Variants in ARHGEF28 observed in about 807,000 individuals in gnomAD.
The protein encoded by ARHGEF28 is Rho guanine nucleotide exchange factor 28.
In ARHGEF28, 152 loss-of-function variants were observed where a neutral mutation model predicts 206.6. The ratio of observed to expected loss-of-function variants is 0.74; its 90% CI spans 0.64 to 0.84. ARHGEF28 has a LOEUF of 0.84. Among genes scored for constraint, ARHGEF28 ranks in the 40% least tolerant of loss-of-function variants. The probability of loss-of-function intolerance (pLI) is 0.00; values close to 1 mark genes in which losing one functional copy is unlikely to be tolerated. For synonymous variants in ARHGEF28, 763 were observed against 776.4 expected, an observed-to-expected ratio of 0.98 and a Z score of 0.29; for missense variants, 2,028 against 2,073.2, an observed-to-expected ratio of 0.98 and a Z score of 0.42.
intron 30 of ARHGEF28, 52 bp from the exon 31 acceptor site, chr5:73,901,132 G>A: frequency 1.3e-6 from 2 of 1,489,904 alleles, no homozygotes; most frequent in Non-Finnish European, 1.8e-6. Context: ...CGGTGGGCTG[G>A]CCGATGTTTG....
At chr5:73,871,738 T>C (rs1187387522) in intron 21 of ARHGEF28, among the ~76,000 whole-genome samples, 1 of 152,234 alleles carries the variant, frequency 6.6e-6, no homozygotes, top group African/African-American at 2.4e-5. Context: ...TCAAAAATCC[T>C]GTACATGTTA....
At chr5:73,801,754 T>C (rs1755149969) in intron 9 of ARHGEF28, among the ~76,000 whole-genome samples, 1 of 152,134 alleles carries the variant, frequency 6.6e-6, no homozygotes, top group Non-Finnish European at 1.5e-5. Flanking sequence ...GTTGGGGGGT[T>C]ATCTCTTTAC....
At chr5:73,663,025 G>A (rs373560238) in intron 1 of ARHGEF28, among the ~76,000 whole-genome samples, 1 of 152,062 alleles carries the variant, frequency 6.6e-6, no homozygotes, top group Non-Finnish European at 1.5e-5. Context: ...GCCCAATCTC[G>A]GTTAACTGCA....
At chr5:73,773,811 T>A in intron 4 of ARHGEF28, 44 bp from the exon 5 acceptor site, 1 of 1,490,764 alleles carries the variant, frequency 6.7e-7, no homozygotes, top group Non-Finnish European at 9.0e-7. Flanking sequence ...AAACAAACTT[T>A]GTAAATGGAG....
intron 1 of ARHGEF28, among the ~76,000 whole-genome samples, chr5:73,626,709 C>T (rs1357240246): frequency 6.6e-6 from 1 of 152,182 alleles, no homozygotes; most frequent in Non-Finnish European, 1.5e-5. Context: ...TCCGCCCTTC[C>T]CATCCATGCT....
intron 4 of ARHGEF28, among the ~76,000 whole-genome samples, chr5:73,761,612 A>T (rs934239014): frequency 2.6e-5 from 4 of 152,192 alleles, no homozygotes; most frequent in African/African-American, 9.7e-5. Flanking sequence ...ATGAAGCTGT[A>T]TGGATAGAAA....
Position 73,857,740 on chromosome 5 carries a change from C to T in ARHGEF28, c.1875C>T (p.Phe625=), listed in dbSNP as rs529526136. 1 of 1,613,118 alleles carries T rather than the reference C, an allele frequency of 6.2e-7. No homozygotes were observed. The highest frequency in any genetic ancestry group is 8.5e-7 in the Non-Finnish European group (1 of 1,179,498). The part of the protein sequence containing the change: ...EKYKVSRTFS[F]LMNRMTSPRN... ...ATAAAGTGAGTCGAACTTTCAGTTT[C>T]CTCATGAATAGGATGACTAGCCCTC... is the stretch of plus-strand genomic sequence containing the variant. The change falls in exon 15 of 36, where the codon TTC becomes TTT. Residue 625 remains phenylalanine, a synonymous_variant. Coordinates refer to ENST00000513042, the MANE Select transcript of ARHGEF28 (RefSeq NM_001177693.2).
intron 21 of ARHGEF28, among the ~76,000 whole-genome samples, chr5:73,871,674 C>T (rs1452378634): frequency 6.6e-6 from 1 of 152,164 alleles, no homozygotes; most frequent in African/African-American, 2.4e-5. Flanking sequence ...TTAGTATATT[C>T]ACGAAGTTGT....
Position 73,738,279 on chromosome 5 carries a change from G to A in ARHGEF28, c.34-11558G>A, listed in dbSNP as rs1245437323. ...ACCAGGGATTTCTGGTCCAAGGTTA[G>A]CAGTGTGATGGAACCTAGATCAAGG... is the stretch of plus-strand genomic sequence containing the variant. On this transcript the variant is annotated intron_variant, in intron 2 of 35. Transcript: ENST00000513042. 2.0e-5 allele frequency among the ~76,000 whole-genome samples: 3 copies of A among 152,182 alleles called. No individual in the cohort carries two copies. In the East Asian group the frequency reaches 5.8e-4, roughly 29 times the overall value.
At chr5:73,737,665 C>T (rs1016243964) in intron 2 of ARHGEF28, among the ~76,000 whole-genome samples, 2 of 151,904 alleles carry the variant, frequency 1.3e-5, no homozygotes, top group Non-Finnish European at 2.9e-5. Context: ...GTGCACGCTG[C>T]CACCACGTCC....
chr5:73,813,928 G>A (rs908731706), intron 9 of ARHGEF28, among the ~76,000 whole-genome samples: 11 of 143,184 alleles, frequency 7.7e-5, no homozygotes, highest in Admixed American at 5.5e-4. Flanking sequence ...AAAAAAAAAA[G>A]AAGGGAGTTT....
chr5:73,775,507 G>C (rs942239485), intron 5 of ARHGEF28, among the ~76,000 whole-genome samples: 2 of 152,164 alleles, frequency 1.3e-5, no homozygotes, highest in Non-Finnish European at 2.9e-5. Flanking sequence ...AAGACTTAGA[G>C]TAAAACTGTT....
At chr5:73,794,496 A>G (rs747479145) in intron 8 of ARHGEF28, 42 bp downstream of exon 8, 3 of 1,478,144 alleles carry the variant, frequency 2.0e-6, no homozygotes, top group Admixed American at 3.9e-5. Context: ...ACGTCTTTCC[A>G]TAAAGTAGAA....
At chr5:73,635,258 G>A (rs1198461556) in intron 1 of ARHGEF28, among the ~76,000 whole-genome samples, 5 of 152,132 alleles carry the variant, frequency 3.3e-5, no homozygotes, top group South Asian at 4.1e-4. Context: ...CAGGAGAATC[G>A]CTTGAACCCA....
At chr5:73,815,608 G>A (rs947399684) in intron 9 of ARHGEF28, among the ~76,000 whole-genome samples, 2 of 152,122 alleles carry the variant, frequency 1.3e-5, no homozygotes, top group African/African-American at 4.8e-5. Flanking sequence ...TATTTATGTG[G>A]CCCAGTGTTG....
intron 4 of ARHGEF28, among the ~76,000 whole-genome samples, chr5:73,772,830 G>C (rs944183568): frequency 1.3e-5 from 2 of 152,196 alleles, no homozygotes; most frequent in Non-Finnish European, 2.9e-5. Flanking sequence ...CAGTTGGTTA[G>C]TCTTGTGGAA....
chr5:73,792,732 AC>A (rs1754556099), intron 7 of ARHGEF28, among the ~76,000 whole-genome samples: 1 of 151,600 alleles, frequency 6.6e-6, no homozygotes, highest in Non-Finnish European at 1.5e-5. Context: ...TCAAAACCAA[AC>A]CAAATCCCTA....
intron 1 of ARHGEF28, among the ~76,000 whole-genome samples, chr5:73,634,678 G>A (rs1743585708): frequency 6.6e-6 from 1 of 152,132 alleles, no homozygotes; most frequent in Non-Finnish European, 1.5e-5. Flanking sequence ...TACTATCCTG[G>A]CATGTCCAGC....
chr5:73,896,587 G>A (rs1421256729), intron 29 of ARHGEF28, among the ~76,000 whole-genome samples: 3 of 152,166 alleles, frequency 2.0e-5, no homozygotes, highest in African/African-American at 4.8e-5. Context: ...AAGTTAAGAT[G>A]AGCCTTGGTC....
Sources: gnomAD v4.1 joint callset for allele counts (sites outside exome capture counted in the v4.1 genomes callset) on GRCh38, gnomAD v4.1.1 for gene constraint, MANE v1.5 for transcripts, NCBI Gene and HGNC (gene_info 2026-07-23, HGNC 2026-07-21) for gene names.